UVSSA: variants seen among roughly 807,000 people sequenced by gnomAD.
UVSSA encodes UV stimulated scaffold protein A.
In UVSSA, 72 loss-of-function variants were observed where a neutral mutation model predicts 73.9. The ratio of observed to expected loss-of-function variants is 0.97; its 90% confidence interval spans 0.81 to 1.19. UVSSA has a LOEUF of 1.19. Ranked by LOEUF, UVSSA falls within the 50% of genes most tolerant of loss-of-function variation. UVSSA has a pLI of 0.00. For missense variants in UVSSA, 1,150 were observed against 965.0 expected (o/e 1.19, Z -2.54); for synonymous variants, 454 against 391.3 (o/e 1.16, Z -1.89).
chr4:1,364,522 C>T (rs1047866122), intron 7 of UVSSA, among the ~76,000 whole-genome samples: 12 of 152,222 alleles, frequency 7.9e-5, no homozygotes, highest in Admixed American at 2.6e-4. Flanking sequence ...CAGCTGCGAT[C>T]GCAGGCGCCT....
intron 8 of UVSSA, among the ~76,000 whole-genome samples, chr4:1,368,488 T>C (rs1233952474): frequency 6.6e-6 from 1 of 152,208 alleles, no homozygotes; most frequent in Non-Finnish European, 1.5e-5. Flanking sequence ...AACACAACGG[T>C]GACAGCGCTC....
chr4:1,349,844 A>G lies in UVSSA; in HGVS notation c.419A>G (p.His140Arg). The G allele has an allele frequency of 6.5e-7, 1 of 1,548,834 alleles. No homozygotes were observed. Among genetic ancestry groups the G allele is most frequent in the Non-Finnish European group, 8.7e-7 (1 of 1,148,062 alleles). The change falls in exon 3 of 14, where the codon CAC (histidine) becomes CGC (arginine). Residue 140 changes from histidine to arginine, a missense_variant. By Grantham distance (29) the His-to-Arg change is conservative. Transcript: ENST00000389851. ...KLALGYHFLRHNKKVDFQDTN... is the reference protein window; with the variant it reads ...KLALGYHFLRRNKKVDFQDTN... ...GCCTTGGGCTACCACTTCTTAAGACACAACAAAAAGGTAGGTGGGCCTGGC... is the reference window on the plus strand; with the variant it reads ...GCCTTGGGCTACCACTTCTTAAGACGCAACAAAAAGGTAGGTGGGCCTGGC...
chr4:1,350,894 T>TTTG (rs1166481296), intron 3 of UVSSA, among the ~76,000 whole-genome samples: 5 of 152,176 alleles, frequency 3.3e-5, no homozygotes, highest in Non-Finnish European at 7.4e-5. Context: ...AGCTCTAGTT[T>TTTG]TTGTTGTTGT....
At chr4:1,383,467 C>T (rs997972349) in intron 12 of UVSSA, among the ~76,000 whole-genome samples, 2 of 152,180 alleles carry the variant, frequency 1.3e-5, no homozygotes, top group African/African-American at 4.8e-5. Context: ...GGCCTCTGGG[C>T]TGAGCCCCTG....
At chr4:1,360,712 G>A (rs995074079) in intron 7 of UVSSA, among the ~76,000 whole-genome samples, 1 of 152,336 alleles carries the variant, frequency 6.6e-6, no homozygotes, top group Admixed American at 6.5e-5. Flanking sequence ...CAGAGCCCGG[G>A]AGCAAGGACA....
intron 8 of UVSSA, among the ~76,000 whole-genome samples, chr4:1,373,727 CGAG>C (rs1718413345): frequency 6.6e-6 from 1 of 152,134 alleles, no homozygotes; most frequent in Non-Finnish European, 1.5e-5. Flanking sequence ...TTAGAAGAGA[CGAG>C]GATGCTGACA....
rs754033585 is a variant in UVSSA, at chr4:1,348,088, A to G, written c.-2-2A>G. On this transcript the variant is annotated splice_acceptor_variant, in intron 1 of 13. Transcript: ENST00000389851. LOFTEE classifies it low-confidence loss of function (5UTR_SPLICE). ...TAGCATCTCTGCCTTACTTATTTCT[A>G]GATATGGATCAGAAACTTTCGAAGT... 11 of 1,608,956 alleles carry G rather than the reference A, an allele frequency of 6.8e-6. No individual in the cohort carries two copies. Among genetic ancestry groups the G allele is most frequent in the Non-Finnish European group, 9.4e-6 (11 of 1,175,714 alleles).
At chr4:1,393,304 A>T (rs1198843964) in exon 14 of UVSSA, 1 of 152,196 alleles carries the variant, frequency 6.6e-6, no homozygotes, top group Non-Finnish European at 1.5e-5. Flanking sequence ...ATCTTTACTC[A>T]TATTCTTTGT....
intron 8 of UVSSA, among the ~76,000 whole-genome samples, chr4:1,369,370 C>T (rs1019692842): frequency 6.6e-5 from 10 of 152,326 alleles, no homozygotes; most frequent in East Asian, 5.8e-4. Flanking sequence ...CCAGGAGTGC[C>T]GGAGGCGGGG....
upstream of UVSSA, among the ~76,000 whole-genome samples, chr4:1,342,904 G>C (rs185566165): frequency 1.8e-4 from 27 of 152,044 alleles, no homozygotes; most frequent in Non-Finnish European, 3.5e-4. Flanking sequence ...GGCAAATCTT[G>C]AAACCAGGGG....
At chr4:1,379,023 C>T (rs1389146717) in intron 10 of UVSSA, among the ~76,000 whole-genome samples, 1 of 150,826 alleles carries the variant, frequency 6.6e-6, no homozygotes, top group Non-Finnish European at 1.5e-5. Context: ...GTCCCTTCTC[C>T]CTAGCGTGGG....
rs946522070 is a variant in UVSSA, at chr4:1,394,271, C to A, written c.*8310C>A. 7 of 786,440 alleles carry A rather than the reference C, an allele frequency of 8.9e-6. No individual in the cohort carries two copies. In the Admixed American group the frequency reaches 1.2e-4, roughly 13 times the overall value. The allele number at this position is 786,440 out of a possible 1,614,324, so 48.7% of individuals were successfully genotyped here. On this transcript the variant is annotated 3_prime_UTR_variant, in exon 14 of 14. Transcript: ENST00000511216. Reference sequence around the variant, plus strand: ...CATCTCGTTCCTCAGATCTTCCTTTCATGAGTTATGTAGTTGAATTATCAA... The same window carrying A: ...CATCTCGTTCCTCAGATCTTCCTTTAATGAGTTATGTAGTTGAATTATCAA...
intron 10 of UVSSA, among the ~76,000 whole-genome samples, chr4:1,379,758 CGTGGCGTCAGA>C (rs1719224290): frequency 2.7e-5 from 4 of 148,506 alleles, no homozygotes; most frequent in South Asian, 2.2e-4. Context: ...GGCTGGTTCA[CGTGGCGTCAGA>C]ATTCAGACGC....
chr4:1,350,987 C>T (rs1234197155), intron 3 of UVSSA, among the ~76,000 whole-genome samples: 1 of 151,122 alleles, frequency 6.6e-6, no homozygotes, highest in Non-Finnish European at 1.5e-5. Flanking sequence ...CTCACTGCAA[C>T]CTCCGCCTCC....
In UVSSA at chr4:1,353,026, G is replaced by A. The variant is rs1715034039; in HGVS notation, c.551-4G>A. On this transcript the variant is annotated splice_polypyrimidine_tract_variant and splice_region_variant and intron_variant, in intron 4 of 13. Coordinates refer to ENST00000389851, the MANE Select transcript of UVSSA (RefSeq NM_020894.4). ...AGCAAACAGGTGTCTTGATCTTCCGGCAGAAATGTCTGGAGAAATTGAATC... is the reference window on the plus strand; with the variant it reads ...AGCAAACAGGTGTCTTGATCTTCCGACAGAAATGTCTGGAGAAATTGAATC... The A allele has an allele frequency of 6.2e-7, 1 of 1,604,350 alleles. No homozygotes were observed. Among genetic ancestry groups the A allele is most frequent in the East Asian group, 2.2e-5 (1 of 44,760 alleles).
chr4:1,394,843 C>T (rs200849975), exon 14 of UVSSA: 1 of 1,416,178 alleles, frequency 7.1e-7, no homozygotes, highest in Non-Finnish European at 9.5e-7. Context: ...CTCACGTGCC[C>T]ATGTGGAGTG....
At chr4:1,371,919 A>G (rs77474224) in intron 8 of UVSSA, among the ~76,000 whole-genome samples, 4 of 152,158 alleles carry the variant, frequency 2.6e-5, no homozygotes, top group Non-Finnish European at 5.9e-5. Flanking sequence ...TCTTTCCCTA[A>G]CAGCCACTTC....
intron 7 of UVSSA, among the ~76,000 whole-genome samples, chr4:1,362,175 TG>T (rs956139421): frequency 6.6e-6 from 1 of 152,238 alleles, no homozygotes; most frequent in African/African-American, 2.4e-5. Context: ...TCCTTTTAAG[TG>T]TGGGTGAGAA....
chr4:1,375,639 AC>A, intron 9 of UVSSA, 131 bp downstream of exon 9: 1 of 1,386,016 alleles, frequency 7.2e-7, no homozygotes, highest in Admixed American at 2.5e-5. Flanking sequence ...TTGGGTGTGT[AC>A]CCCCGGCCGG....
Sources: allele counts gnomAD v4.1 joint callset (sites outside exome capture counted in the v4.1 genomes callset), GRCh38; gene constraint gnomAD v4.1.1; transcripts MANE v1.5; gene names NCBI Gene and HGNC (gene_info 2026-07-23, HGNC 2026-07-21).